CLCN5: variants seen among roughly 807,000 people sequenced by gnomAD.
CLCN5 encodes H(+)/Cl(-) exchange transporter 5.
Under a neutral mutation model 54.0 loss-of-function variants are expected in CLCN5, and 17 were observed. That is an observed-to-expected ratio of 0.31 (90% CI 0.22 to 0.47). The LOEUF is 0.47. CLCN5 is among the 20% of genes least tolerant of loss of function. The pLI is 1.00. For missense variants in CLCN5, 448 were observed against 646.7 expected (o/e 0.69, Z 3.33); for synonymous variants, 222 against 233.0 (o/e 0.95, Z 0.43).
chrX:49,929,668 C>T (rs1463929240), intron 3 of CLCN5, among the ~76,000 whole-genome samples: 1 of 111,356 alleles, frequency 9.0e-6, no homozygotes, highest in African/African-American at 3.3e-5. Flanking sequence ...ACCTGTAGTG[C>T]TTTAAAAAAT....
chrX:49,967,396 T>C (rs1315858666), intron 3 of CLCN5, among the ~76,000 whole-genome samples: 13 of 73,922 alleles, frequency 1.8e-4, no homozygotes, highest in Non-Finnish European at 2.9e-4. Flanking sequence ...CATGTGTTTT[T>C]TGGCTGCATA....
chrX:50,077,665 G>T (rs1933480395), intron 7 of CLCN5, among the ~76,000 whole-genome samples: 1 of 98,140 alleles, frequency 1.0e-5, no homozygotes, highest in African/African-American at 3.7e-5. Flanking sequence ...TATTTCCCTT[G>T]CTTTTGGGGG....
chrX:50,079,795 G>A (rs923327384), intron 7 of CLCN5, among the ~76,000 whole-genome samples: 10 of 110,681 alleles, frequency 9.0e-5, no homozygotes, highest in Admixed American at 1.9e-4. Context: ...GCATGGAGGA[G>A]GAGGAAATGG....
chrX:50,069,055 T>C (rs1435118189), intron 4 of CLCN5, among the ~76,000 whole-genome samples: 1 of 112,026 alleles, frequency 8.9e-6, no homozygotes, highest in East Asian at 2.8e-4. Context: ...TACTGATTCT[T>C]GGATATGTGC....
rs192971951 is a variant in CLCN5 at position 49,961,286 on chromosome X, G to A, written c.16+35972G>A. ...GAAGTGCTACCTTTTTATTACAGAT[G>A]AGATGATGATGATGATGATAGTGGC... is the stretch of plus-strand genomic sequence containing the variant. On this transcript the variant is annotated intron_variant, in intron 3 of 14. Coordinates refer to ENST00000376091, the MANE Select transcript of CLCN5 (RefSeq NM_001127898.4). 6.2e-5 allele frequency among the ~76,000 whole-genome samples: 7 copies of A among 112,309 alleles called. No individual in the cohort carries two copies. The Admixed American group carries it at 6.6e-4, about 11-fold the overall frequency.
chrX:49,974,991 T>A (rs1928410429), intron 3 of CLCN5, among the ~76,000 whole-genome samples: 1 of 112,082 alleles, frequency 8.9e-6, no homozygotes. Flanking sequence ...TACAGGATGC[T>A]GGAGATACAC....
chrX:49,924,234 C>T (rs1346800563), intron 2 of CLCN5, among the ~76,000 whole-genome samples: 1 of 108,838 alleles, frequency 9.2e-6, no homozygotes, highest in Non-Finnish European at 1.9e-5. Flanking sequence ...CTGCAACCTC[C>T]GCCTCCCTCC....
intron 4 of CLCN5, among the ~76,000 whole-genome samples, chrX:50,043,839 A>G (rs1932305767): frequency 8.9e-6 from 1 of 111,856 alleles, no homozygotes; most frequent in African/African-American, 3.2e-5. Context: ...GGACAGTATC[A>G]CTTTAAGATT....
At chrX:49,969,219 A>G (rs1557175908) in intron 3 of CLCN5, among the ~76,000 whole-genome samples, 1 of 111,084 alleles carries the variant, frequency 9.0e-6, no homozygotes, top group African/African-American at 3.3e-5. Flanking sequence ...CTGGGATTAC[A>G]GGTGCATGCC....
chrX:49,936,765 A>G (rs782016698), intron 3 of CLCN5, among the ~76,000 whole-genome samples: 21 of 112,113 alleles, frequency 1.9e-4, no homozygotes, highest in Non-Finnish European at 3.6e-4. Context: ...TTTTGTCCCA[A>G]TGAATCTTCT....
At chrX:50,037,582 A>G (rs782250248) in intron 3 of CLCN5, among the ~76,000 whole-genome samples, 9 of 111,862 alleles carry the variant, frequency 8.0e-5, no homozygotes, top group African/African-American at 9.8e-5. Flanking sequence ...GTGTGAGTCA[A>G]CCTGACAGGT....
intron 3 of CLCN5, among the ~76,000 whole-genome samples, chrX:49,974,462 G>A (rs181205845): frequency 1.0e-4 from 11 of 108,839 alleles, no homozygotes; most frequent in African/African-American, 3.7e-4. Flanking sequence ...TGCCAGGGAT[G>A]CTCTGGGGAA....
chrX:50,039,006 C>T (rs1177297324), intron 3 of CLCN5, among the ~76,000 whole-genome samples: 1 of 111,950 alleles, frequency 8.9e-6, no homozygotes, highest in East Asian at 2.8e-4. Context: ...AGGCAGGGTG[C>T]TGTGGCTTAC....
At chrX:50,065,360 C>T (rs1932965851) in intron 4 of CLCN5, among the ~76,000 whole-genome samples, 2 of 74,807 alleles carry the variant, frequency 2.7e-5, no homozygotes, top group Admixed American at 1.7e-4. Flanking sequence ...AGGACATGAA[C>T]AGACACTTCT....
chrX:49,977,897 A>G (rs1279515397), intron 3 of CLCN5, among the ~76,000 whole-genome samples: 1 of 111,902 alleles, frequency 8.9e-6, no homozygotes, highest in East Asian at 2.8e-4. Flanking sequence ...CCAGCTGCCC[A>G]TAACTAGCTG....
At chrX:50,058,131 A>G (rs1932795012) in intron 4 of CLCN5, among the ~76,000 whole-genome samples, 1 of 111,810 alleles carries the variant, frequency 8.9e-6, no homozygotes, top group Non-Finnish European at 1.9e-5. Flanking sequence ...AAACTGAAAT[A>G]CATTTTTTAA....
intron 3 of CLCN5, among the ~76,000 whole-genome samples, chrX:49,935,010 G>A (rs1204654211): frequency 8.9e-6 from 1 of 111,884 alleles, no homozygotes; most frequent in Non-Finnish European, 1.9e-5. Flanking sequence ...AATGGTGAGA[G>A]ACAGGTAGGC....
At chrX:50,063,573 C>G (rs199747320) in intron 4 of CLCN5, among the ~76,000 whole-genome samples, 23 of 102,636 alleles carry the variant, frequency 2.2e-4, no homozygotes, top group African/African-American at 3.7e-4. Context: ...CGAATTCTCC[C>G]AGAGGTACAA....
chrX:50,064,364 C>G (rs1433311170), intron 4 of CLCN5, among the ~76,000 whole-genome samples: 1 of 95,376 alleles, frequency 1.0e-5, no homozygotes, highest in African/African-American at 3.9e-5. Flanking sequence ...TATACACCAA[C>G]AACAGACAAA....
Sources: gnomAD v4.1 joint callset for allele counts (sites outside exome capture counted in the v4.1 genomes callset) on GRCh38, gnomAD v4.1.1 for gene constraint, MANE v1.5 for transcripts, NCBI Gene and HGNC (gene_info 2026-07-23, HGNC 2026-07-21) for gene names.